The following ZNF30 variants were observed in gnomAD, a reference collection of about 807,000 sequenced individuals.
ZNF30 encodes zinc finger protein 30.
Under a neutral mutation model 13.2 loss-of-function variants are expected in ZNF30, and 15 were observed. The ratio of observed to expected loss-of-function variants is 1.13; its 90% confidence interval spans 0.76 to 1.75. The LOEUF (loss-of-function observed/expected upper bound fraction) is 1.75, where lower values mean the gene tolerates loss of function less well. Among genes scored for constraint, ZNF30 ranks in the 40% most tolerant of loss-of-function variants. ZNF30 has a pLI of 0.00. For synonymous variants in ZNF30, 223 were observed against 256.6 expected (o/e 0.87, Z 1.25); for missense variants, 726 against 757.0 (o/e 0.96, Z 0.48).
At chr19:34,931,039 C>CT (rs56153327) in intron 2 of ZNF30, among the ~76,000 whole-genome samples, 1,445 of 122,458 alleles carry the variant, frequency 0.012, 21 homozygotes, top group African/African-American at 0.032. Context: ...TTCTTTTTTT[C>CT]TTTTTTTTTT....
chr19:34,931,173 G>C (rs2012432285), intron 2 of ZNF30, among the ~76,000 whole-genome samples: 2 of 151,718 alleles, frequency 1.3e-5, no homozygotes, highest in African/African-American at 4.8e-5. Flanking sequence ...AAGTAGCTGG[G>C]ATTACAGGCA....
Position 34,931,929 on chromosome 19 carries a change from C to T in ZNF30, c.96C>T (p.Asp32=). The T allele has an allele frequency of 6.2e-7, 1 of 1,613,376 alleles. No individual in the cohort carries two copies. Among genetic ancestry groups the T allele is most frequent in the Non-Finnish European group, 8.5e-7 (1 of 1,179,716 alleles). ...CCCAGCAGGAGTGGGAGAGTCTGGA[C>T]TCTTCCCAGAGGGGCTTGTACAGAG... ...AFSQQEWESL[D]SSQRGLYRDV... Residue 32 remains aspartate, a synonymous_variant, in exon 3 of 5, where the codon GAC becomes GAT. Coordinates refer to ENST00000601142, the MANE Select transcript of ZNF30 (RefSeq NM_194325.3).
intron 1 of ZNF30, 105 bp downstream of exon 1, chr19:34,927,321 G>A (rs2012131466): frequency 6.4e-6 from 2 of 314,282 alleles, no homozygotes; most frequent in African/African-American, 2.1e-5. Context: ...GCGAAGACTG[G>A]GTGCATGGCC....
In ZNF30 at chr19:34,944,012, G is replaced by A; in HGVS notation, c.1046G>A (p.Cys349Tyr). ...GAGAAACCTTTTGAATGTAAGGAAT[G>A]TGGAAAGGCCTTTAGACTTAGTTCC... ...TGEKPFECKE[C>Y]GKAFRLSSFL... The change falls in exon 5 of 5, where the codon TGT becomes TAT. Residue 349 changes from cysteine (C) to tyrosine (Y), a missense_variant. Cys to Tyr is a radical substitution (Grantham distance 194). Transcript: ENST00000601142. 1 of 1,614,186 alleles carries A rather than the reference G, an allele frequency of 6.2e-7. No homozygotes were observed.
chr19:34,941,650 T>TTTC (rs2013055254), intron 4 of ZNF30, among the ~76,000 whole-genome samples: 2 of 152,224 alleles, frequency 1.3e-5, no homozygotes, highest in Non-Finnish European at 2.9e-5. Context: ...ACAAGGGGGA[T>TTTC]GAATGGGCCA....
At position 34,943,938 on chromosome 19, in the gene ZNF30, C is replaced by T. The variant is rs2013187610; in HGVS notation, c.972C>T (p.Ser324=). ...KPYECKECGK[S]FTVYGQLTRH... ...ATGAATGTAAGGAGTGTGGGAAGTCCTTCACTGTGTATGGACAGCTTACTC... is the reference window on the plus strand; with the variant it reads ...ATGAATGTAAGGAGTGTGGGAAGTCTTTCACTGTGTATGGACAGCTTACTC... The change falls in exon 5 of 5, where the codon TCC becomes TCT. Residue 324 remains serine (S), a synonymous_variant. Transcript: ENST00000601142. 2.5e-6 allele frequency: 4 copies of T among 1,614,080 alleles called. No homozygotes were observed. In the East Asian group the frequency reaches 8.9e-5, roughly 36 times the overall value.
intron 4 of ZNF30, among the ~76,000 whole-genome samples, chr19:34,941,645 G>A (rs925071991): frequency 6.6e-6 from 1 of 152,158 alleles, no homozygotes; most frequent in Non-Finnish European, 1.5e-5. Context: ...TTCTGACAAG[G>A]GGGATGAATG....
At chr19:34,928,186 C>T (rs998655631) in intron 1 of ZNF30, among the ~76,000 whole-genome samples, 15 of 126,610 alleles carry the variant, frequency 1.2e-4, no homozygotes, top group South Asian at 9.8e-4. Flanking sequence ...CCAGCCTGGG[C>T]GACAGAGCGA....
chr19:34,942,629 A>T, intron 4 of ZNF30: 1 of 1,289,456 alleles, frequency 7.8e-7, no homozygotes, highest in South Asian at 1.2e-5. Context: ...AAAACATGCC[A>T]GAAGATTTTT....
intron 4 of ZNF30, among the ~76,000 whole-genome samples, chr19:34,938,602 T>C (rs762045487): frequency 4.6e-5 from 7 of 152,202 alleles, no homozygotes; most frequent in Non-Finnish European, 1.0e-4. Flanking sequence ...TGCAAGACTT[T>C]ATTCCTAAAT....
At chr19:34,929,480 C>A (rs1450223625) in intron 1 of ZNF30, among the ~76,000 whole-genome samples, 1 of 152,176 alleles carries the variant, frequency 6.6e-6, no homozygotes, top group Non-Finnish European at 1.5e-5. Context: ...ATGTTCTCTA[C>A]CTCCCGTGTC....
chr19:34,928,220 A>AAAATATATATATATATATAT (rs1555778254), intron 1 of ZNF30, among the ~76,000 whole-genome samples: 4 of 73,410 alleles, frequency 5.4e-5, no homozygotes, highest in Non-Finnish European at 7.7e-5. Context: ...AAAAAAAAAA[A>AAAATATATATATATATATAT]ATATATATAT....
chr19:34,925,108 ACGGG>A (rs1236889418), upstream of ZNF30, among the ~76,000 whole-genome samples: 1 of 152,052 alleles, frequency 6.6e-6, no homozygotes, highest in African/African-American at 2.4e-5. Flanking sequence ...GAGTATACAG[ACGGG>A]CGGGCTGTGG....
rs183146594 is a variant in ZNF30, at chr19:34,934,786, C to T, written c.256+1063C>T. On this transcript the variant is annotated intron_variant, in intron 4 of 4. Coordinates refer to ENST00000601142, the MANE Select transcript of ZNF30 (RefSeq NM_194325.3). ...CGGGGGCTGGGGGACAACAAGAGGGCGAGCATTAGGACAAATACATAATGA... is the reference window on the plus strand; with the variant it reads ...CGGGGGCTGGGGGACAACAAGAGGGTGAGCATTAGGACAAATACATAATGA... 4.3e-4 allele frequency among the ~76,000 whole-genome samples: 66 copies of T among 152,074 alleles called. No individual in the cohort carries two copies. The South Asian group carries it at 6.7e-3, about 15-fold the overall frequency.
At position 34,944,862 on chromosome 19, in the gene ZNF30, C is replaced by A; in HGVS notation, c.*24C>A. The A allele has an allele frequency of 6.5e-7, 1 of 1,532,814 alleles. No individual in the cohort carries two copies. The highest frequency in any genetic ancestry group is 1.3e-5 in the South Asian group (1 of 76,812). 95.0% of individuals were successfully genotyped at this position (1,532,814 alleles called of 1,614,324 possible). A position where few individuals can be genotyped will look rare whatever the true frequency, so the allele number is the denominator to read the frequency against. ...AAGAGTCTGAGGAGTGTGGGAAGTG[C>A]TTCGTGTGTGGCTCAAACATTGTTG... On this transcript the variant is annotated 3_prime_UTR_variant, in exon 5 of 5. Transcript: ENST00000601142.
At chr19:34,930,629 G>A (rs772023676) in intron 2 of ZNF30, among the ~76,000 whole-genome samples, 2 of 152,146 alleles carry the variant, frequency 1.3e-5, no homozygotes, top group Non-Finnish European at 1.5e-5. Flanking sequence ...AGCCCCAGGT[G>A]GGAGGATCAC....
At chr19:34,925,472 G>T (rs2012034646), upstream of ZNF30, among the ~76,000 whole-genome samples, 1 of 152,222 alleles carries the variant, frequency 6.6e-6, no homozygotes, top group Admixed American at 6.5e-5. Flanking sequence ...TCCTTCTGGT[G>T]GGTGGCCTGC....
At chr19:34,935,075 C>CA (rs2012654154) in intron 4 of ZNF30, among the ~76,000 whole-genome samples, 1 of 151,796 alleles carries the variant, frequency 6.6e-6, no homozygotes, top group East Asian at 1.9e-4. Flanking sequence ...TAAAAAAATA[C>CA]AAAAAATTGG....
rs1445778056 is a variant in ZNF30 at position 34,931,970 on chromosome 19, A to G, written c.137A>G (p.Asn46Ser). The change falls in exon 3 of 5, where the codon AAC (asparagine) becomes AGC (serine). Residue 46 changes from asparagine (N) to serine (S), a missense_variant. Physicochemically the swap from Asn to Ser is conservative, Grantham distance 46 (BLOSUM62 1). Coordinates refer to ENST00000601142, the MANE Select transcript of ZNF30 (RefSeq NM_194325.3). ...TTGTACAGAGATGTGATGTTGGAGA[A>G]CTACAGGAACTTGGTGTCAATGGGT... ...RGLYRDVMLE[N>S]YRNLVSMGHS... The G allele has an allele frequency of 1.2e-6, 2 of 1,600,030 alleles. No homozygotes were observed. The highest frequency in any genetic ancestry group is 2.7e-5 in the African/African-American group (2 of 74,152).
Sources: gnomAD v4.1 joint callset for allele counts (sites outside exome capture counted in the v4.1 genomes callset) on GRCh38, gnomAD v4.1.1 for gene constraint, MANE v1.5 for transcripts, NCBI Gene and HGNC (gene_info 2026-07-23, HGNC 2026-07-21) for gene names.